ODF2: variants seen among roughly 807,000 people sequenced by gnomAD.
ODF2 encodes the protein outer dense fiber of sperm tails 2.
ODF2 carries 47 observed loss-of-function variants against 110.2 expected under a neutral mutation model. That is an observed-to-expected ratio of 0.43 (90% CI 0.34 to 0.54). The LOEUF (loss-of-function observed/expected upper bound fraction) is 0.54, where lower values mean the gene tolerates loss of function less well. Among genes scored for constraint, ODF2 ranks in the 20% least tolerant of loss-of-function variants. The pLI is 0.03. For synonymous variants in ODF2, 352 were observed against 397.7 expected, an observed-to-expected ratio of 0.89 and a Z score of 1.37; for missense variants, 812 against 1,054.5, an observed-to-expected ratio of 0.77 and a Z score of 3.19.
intron 20 of ODF2, 93 bp from the exon 21 acceptor site, chr9:128,499,974 C>A: frequency 7.1e-7 from 1 of 1,407,908 alleles, no homozygotes; most frequent in Non-Finnish European, 9.7e-7. Flanking sequence ...CCTCCCCAAA[C>A]CTCCTGGCAA....
chr9:128,482,965 A>C, intron 10 of ODF2, 78 bp downstream of exon 10: 24 of 1,095,428 alleles, frequency 2.2e-5, no homozygotes, highest in Non-Finnish European at 2.8e-5. Context: ...GCGCGATCTC[A>C]GCTCGCTGCA....
At chr9:128,457,059 C>G in intron 1 of ODF2, 1 of 1,311,170 alleles carries the variant, frequency 7.6e-7, no homozygotes, top group Non-Finnish European at 9.9e-7. Context: ...CTCAGGTTTC[C>G]CCCGGTAGCC....
chr9:128,483,229 G>A (rs1456991933), intron 10 of ODF2, among the ~76,000 whole-genome samples: 1 of 151,972 alleles, frequency 6.6e-6, no homozygotes, highest in African/African-American at 2.4e-5. Context: ...AGAATATAAT[G>A]GATATGCAGA....
intron 13 of ODF2, among the ~76,000 whole-genome samples, chr9:128,487,114 C>A (rs1484162093): frequency 6.6e-6 from 1 of 152,088 alleles, no homozygotes; most frequent in Non-Finnish European, 1.5e-5. Context: ...CAAGGTCTTG[C>A]TCCTTCACCC....
At chr9:128,492,161 G>A (rs1040590458) in intron 14 of ODF2, among the ~76,000 whole-genome samples, 1 of 152,110 alleles carries the variant, frequency 6.6e-6, no homozygotes, top group Non-Finnish European at 1.5e-5. Context: ...CACCGCGCCC[G>A]GCCTGGTTTT....
intron 1 of ODF2, chr9:128,456,539 C>T: frequency 6.5e-7 from 1 of 1,527,636 alleles, no homozygotes; most frequent in Non-Finnish European, 8.7e-7. Flanking sequence ...CTTCACCTTT[C>T]TCTCTATGGG....
intron 20 of ODF2, among the ~76,000 whole-genome samples, chr9:128,499,790 TG>T (rs1228689541): frequency 6.6e-6 from 1 of 152,096 alleles, no homozygotes. Flanking sequence ...TTGTATTTTT[TG>T]TAGAGATAGA....
intron 18 of ODF2, chr9:128,497,447 ATAT>A (rs1225593557): frequency 2.0e-3 from 74 of 37,844 alleles, no homozygotes; most frequent in African/African-American, 5.2e-3. Flanking sequence ...AAAAAAAAAA[ATAT>A]ATATATATAT....
In ODF2 at chr9:128,469,196, G is replaced by C. The variant is rs766231191; in HGVS notation, c.263G>C (p.Cys88Ser). The C allele has an allele frequency of 6.2e-7, 1 of 1,613,898 alleles. No individual in the cohort carries two copies. The highest frequency in any genetic ancestry group is 1.3e-5 in the African/African-American group (1 of 75,024). ...CCTCTACATCAGAATCCACCTCATT[G>C]CCTGGAGATCACGCCACCATCTTCA... The change falls in exon 5 of 21, where the codon TGC becomes TCC. Residue 88 changes from cysteine (C) to serine (S), a missense_variant. Transcript: ENST00000604420.
exon 1 of ODF2, chr9:128,456,165 A>T (rs1834716201): frequency 6.5e-7 from 1 of 1,549,230 alleles, no homozygotes; most frequent in Non-Finnish European, 8.7e-7. Flanking sequence ...GCCAGACTGC[A>T]TCCGCCGCGG....
intron 14 of ODF2, among the ~76,000 whole-genome samples, chr9:128,491,246 T>C (rs918436423): frequency 1.3e-5 from 2 of 151,972 alleles, no homozygotes; most frequent in Non-Finnish European, 2.9e-5. Context: ...GGTTTCACCA[T>C]ATTGGCCAGG....
chr9:128,461,818 A>C (rs1791136774), intron 4 of ODF2, among the ~76,000 whole-genome samples: 1 of 152,254 alleles, frequency 6.6e-6, no homozygotes, highest in Non-Finnish European at 1.5e-5. Flanking sequence ...TGAAGTTTAT[A>C]GTCATACCTC....
exon 20 of ODF2, chr9:128,499,115 A>T (rs1262177298): frequency 6.2e-7 from 1 of 1,614,178 alleles, no homozygotes; most frequent in Admixed American, 1.7e-5. Flanking sequence ...GCTGCGGCGG[A>T]GCCGTGATGA....
chr9:128,460,349 C>CAACCAT, intron 3 of ODF2: 1 of 1,437,702 alleles, frequency 7.0e-7, no homozygotes, highest in Non-Finnish European at 9.2e-7. Context: ...CCCTTGTGGT[C>CAACCAT]TTCTGCTGGG....
At chr9:128,457,008 C>G (rs1045312858) in intron 1 of ODF2, 2 of 1,255,114 alleles carry the variant, frequency 1.6e-6, no homozygotes, top group Non-Finnish European at 2.0e-6. Flanking sequence ...CACTTGGGGC[C>G]GAGCGGTTCT....
chr9:128,496,854 A>G (rs554347724), intron 18 of ODF2, among the ~76,000 whole-genome samples: 34 of 152,162 alleles, frequency 2.2e-4, no homozygotes, highest in Non-Finnish European at 4.4e-4. Context: ...CAGCCTCCCA[A>G]GTAGCTGGGA....
intron 3 of ODF2, chr9:128,460,146 C>A (rs1306056208): frequency 7.7e-7 from 1 of 1,296,588 alleles, no homozygotes; most frequent in South Asian, 1.2e-5. Context: ...CCACGCCAAT[C>A]TGCATGCCCA....
At chr9:128,460,706 C>A in intron 3 of ODF2, 40 bp downstream of exon 3, 3 of 1,610,818 alleles carry the variant, frequency 1.9e-6, no homozygotes, top group South Asian at 1.1e-5. Flanking sequence ...AGCTGTGGAT[C>A]TGGGTGATCC....
intron 3 of ODF2, chr9:128,460,648 A>G: frequency 6.2e-7 from 1 of 1,614,074 alleles, no homozygotes; most frequent in Non-Finnish European, 8.5e-7. Context: ...TCCCGAAACC[A>G]TCAGCGACCA....
Sources: allele counts gnomAD v4.1 joint callset (sites outside exome capture counted in the v4.1 genomes callset), GRCh38; gene constraint gnomAD v4.1.1; transcripts MANE v1.5; gene names NCBI Gene and HGNC (gene_info 2026-07-23, HGNC 2026-07-21).